The following KIAA1328 variants were observed in gnomAD, a reference collection of about 807,000 sequenced individuals.
KIAA1328 encodes protein hinderin.
KIAA1328 carries 52 observed loss-of-function variants against 68.1 expected under a neutral mutation model. The ratio of observed to expected loss-of-function variants is 0.76; its 90% CI spans 0.61 to 0.96. KIAA1328 has a LOEUF of 0.96. Among genes scored for constraint, KIAA1328 ranks in the 40% least tolerant of loss-of-function variants. The pLI is 0.00. For synonymous variants in KIAA1328, 232 were observed against 239.4 expected, an observed-to-expected ratio of 0.97 and a Z score of 0.28; for missense variants, 641 against 677.6, an observed-to-expected ratio of 0.95 and a Z score of 0.60.
intron 2 of KIAA1328, among the ~76,000 whole-genome samples, chr18:36,834,750 T>C (rs933590925): frequency 6.6e-6 from 1 of 152,234 alleles, no homozygotes; most frequent in Non-Finnish European, 1.5e-5. Context: ...AAAGCAACTA[T>C]TGAAGGCACC....
chr18:37,221,979 A>T, intron 9 of KIAA1328, 38 bp from the exon 10 acceptor site: 1 of 1,588,280 alleles, frequency 6.3e-7, no homozygotes, highest in South Asian at 1.1e-5. Flanking sequence ...ATTTTCTAAT[A>T]ATCTGATCCT....
intron 7 of KIAA1328, among the ~76,000 whole-genome samples, chr18:37,072,003 A>G (rs2056550996): frequency 6.6e-6 from 1 of 152,228 alleles, no homozygotes; most frequent in African/African-American, 2.4e-5. Context: ...ATCATAAAAT[A>G]TTGTAAGTTT....
At chr18:36,840,305 T>G (rs922564905) in intron 3 of KIAA1328, among the ~76,000 whole-genome samples, 1 of 152,164 alleles carries the variant, frequency 6.6e-6, no homozygotes, top group Admixed American at 6.5e-5. Context: ...TTTCTGAAAC[T>G]AGGGTAAATC....
intron 7 of KIAA1328, among the ~76,000 whole-genome samples, chr18:37,091,872 A>G (rs1295698942): frequency 6.6e-6 from 1 of 152,196 alleles, no homozygotes; most frequent in Non-Finnish European, 1.5e-5. Context: ...GAGCCAAAGC[A>G]TGCGCTCCCC....
intron 7 of KIAA1328, among the ~76,000 whole-genome samples, chr18:37,091,194 A>T (rs2057257374): frequency 6.6e-6 from 1 of 152,174 alleles, no homozygotes; most frequent in Admixed American, 6.6e-5. Flanking sequence ...ACAAAGAAGG[A>T]TCAAAACAGT....
chr18:37,178,567 A>C (rs549184946), intron 9 of KIAA1328, among the ~76,000 whole-genome samples: 1 of 150,996 alleles, frequency 6.6e-6, no homozygotes, highest in African/African-American at 2.4e-5. Flanking sequence ...TCTCTTTGAC[A>C]TACCGGTTTC....
At chr18:36,857,625 A>G (rs2047428797) in intron 4 of KIAA1328, among the ~76,000 whole-genome samples, 2 of 152,158 alleles carry the variant, frequency 1.3e-5, no homozygotes, top group South Asian at 2.1e-4. Flanking sequence ...CTCTTTCCTC[A>G]TTAAGAACTC....
At chr18:37,110,708 G>A (rs1366832622) in intron 7 of KIAA1328, among the ~76,000 whole-genome samples, 1 of 152,178 alleles carries the variant, frequency 6.6e-6, no homozygotes, top group Non-Finnish European at 1.5e-5. Flanking sequence ...AAAAGTTTAT[G>A]TGAAGATAGA....
Position 36,983,046 on chromosome 18 carries a change from G to A in KIAA1328, c.576+23611G>A, listed in dbSNP as rs138563584. 1.1e-3 allele frequency among the ~76,000 whole-genome samples: 171 copies of A among 151,672 alleles called. 1 individual carries two copies. Among genetic ancestry groups the A allele is most frequent in the African/African-American group, 3.9e-3 (163 of 41,428 alleles). The stretch of plus-strand genomic sequence containing the variant: ...TTTTTTAAAAAAATTAAGAAAAGGT[G>A]GAAAAGGAGAGAAAGCGCTTGCAAT... On this transcript the variant is annotated intron_variant, in intron 6 of 9. Coordinates refer to ENST00000280020, the MANE Select transcript of KIAA1328 (RefSeq NM_020776.3).
At chr18:36,862,901 C>A (rs1000796176) in intron 4 of KIAA1328, among the ~76,000 whole-genome samples, 1 of 152,126 alleles carries the variant, frequency 6.6e-6, no homozygotes, top group African/African-American at 2.4e-5. Context: ...TTGCATTTCT[C>A]TAATGGGCAG....
intron 3 of KIAA1328, among the ~76,000 whole-genome samples, chr18:36,839,667 A>G (rs2046794642): frequency 6.6e-6 from 1 of 152,128 alleles, no homozygotes; most frequent in Non-Finnish European, 1.5e-5. Context: ...GGGTTCTGAG[A>G]CAGTGATAAA....
chr18:37,174,528 G>A (rs1429704655), intron 9 of KIAA1328, among the ~76,000 whole-genome samples: 5 of 150,314 alleles, frequency 3.3e-5, no homozygotes, highest in African/African-American at 7.3e-5. Flanking sequence ...GACTACAGGC[G>A]CCCACCACCA....
chr18:36,961,941 A>G (rs1189052476), intron 6 of KIAA1328, among the ~76,000 whole-genome samples: 1 of 152,242 alleles, frequency 6.6e-6, no homozygotes, highest in Admixed American at 6.5e-5. Flanking sequence ...CATCATAATG[A>G]CAGGATCAAA....
chr18:36,829,541 T>G lies in KIAA1328; in HGVS notation c.58+345T>G, dbSNP rs1341922403. 7 of 853,006 alleles carry G rather than the reference T, an allele frequency of 8.2e-6. No homozygotes were observed. The East Asian group carries it at 3.3e-4, about 41-fold the overall frequency. The allele number at this position is 853,006 out of a possible 1,614,324, so 52.8% of individuals were successfully genotyped here. A position where few individuals can be genotyped will look rare whatever the true frequency, so the allele number is the denominator to read the frequency against. On this transcript the variant is annotated intron_variant, in intron 1 of 9. Transcript: ENST00000280020. Reference sequence around the variant, plus strand: ...CCTGTCAGAGTGCCCCCAGGCTGACTTGAGTGTGCGGAGCTAGCTCGAAGT... The same window carrying G: ...CCTGTCAGAGTGCCCCCAGGCTGACGTGAGTGTGCGGAGCTAGCTCGAAGT...
chr18:36,943,970 A>C (rs919294594), intron 5 of KIAA1328, among the ~76,000 whole-genome samples: 2 of 152,204 alleles, frequency 1.3e-5, no homozygotes, highest in South Asian at 4.1e-4. Flanking sequence ...CACTATTATC[A>C]TGATGCTGTA....
intron 3 of KIAA1328, among the ~76,000 whole-genome samples, chr18:36,843,277 T>C (rs1266697918): frequency 2.0e-5 from 3 of 152,146 alleles, no homozygotes; most frequent in Non-Finnish European, 4.4e-5. Flanking sequence ...CTTTTCTCCA[T>C]TTTTTTCCCT....
intron 7 of KIAA1328, among the ~76,000 whole-genome samples, chr18:37,088,142 TCA>T (rs1294047881): frequency 6.6e-6 from 1 of 152,178 alleles, no homozygotes; most frequent in Non-Finnish European, 1.5e-5. Context: ...AGCAGATATT[TCA>T]GTTTTGACTT....
At chr18:36,918,235 A>C (rs999516647) in intron 5 of KIAA1328, among the ~76,000 whole-genome samples, 1 of 151,222 alleles carries the variant, frequency 6.6e-6, no homozygotes, top group Admixed American at 6.6e-5. Flanking sequence ...GAGTATTATC[A>C]GTTTTATTTA....
intron 6 of KIAA1328, among the ~76,000 whole-genome samples, chr18:37,040,742 G>A (rs983782382): frequency 1.3e-5 from 2 of 151,004 alleles, no homozygotes; most frequent in Admixed American, 6.6e-5. Flanking sequence ...ATTAATTTTG[G>A]TATTCATTGT....
Sources: allele counts gnomAD v4.1 joint callset (sites outside exome capture counted in the v4.1 genomes callset), GRCh38; gene constraint gnomAD v4.1.1; transcripts MANE v1.5; gene names NCBI Gene and HGNC (gene_info 2026-07-23, HGNC 2026-07-21).